EXOC6B: variants seen among roughly 807,000 people sequenced by gnomAD.
The protein encoded by EXOC6B is exocyst complex component 6B.
EXOC6B carries 54 observed loss-of-function variants against 113.5 expected under a neutral mutation model. The observed-to-expected ratio is 0.48, with a 90% confidence interval of 0.38 to 0.60. The LOEUF is 0.60. Ranked by LOEUF, EXOC6B falls within the 20% of genes least tolerant of loss-of-function variation. The pLI, the probability that EXOC6B is intolerant of heterozygous loss-of-function variation, is 0.00. For missense variants in EXOC6B, 797 were observed against 977.5 expected (o/e 0.82, Z 2.46); for synonymous variants, 357 against 339.0 (o/e 1.05, Z -0.58).
At chr2:72,373,093 C>G (rs1215534984) in intron 19 of EXOC6B, among the ~76,000 whole-genome samples, 1 of 141,008 alleles carries the variant, frequency 7.1e-6, no homozygotes, top group Non-Finnish European at 1.5e-5. Context: ...GAGATGGAGT[C>G]TCGCTGCAAT....
chr2:72,789,829 A>G (rs2105029813), intron 1 of EXOC6B, among the ~76,000 whole-genome samples: 1 of 152,244 alleles, frequency 6.6e-6, no homozygotes, highest in East Asian at 1.9e-4. Context: ...CAAGTTAGGG[A>G]TTTTTCTCAA....
intron 1 of EXOC6B, among the ~76,000 whole-genome samples, chr2:72,807,668 A>C (rs1026155288): frequency 1.3e-5 from 2 of 152,154 alleles, no homozygotes; most frequent in Non-Finnish European, 2.9e-5. Context: ...CAGCCACTAA[A>C]AAGAAAGAGA....
At chr2:72,805,794 C>G (rs1685549137) in intron 1 of EXOC6B, among the ~76,000 whole-genome samples, 2 of 152,122 alleles carry the variant, frequency 1.3e-5, no homozygotes, top group African/African-American at 4.8e-5. Flanking sequence ...CTGTCCTCCT[C>G]CAGCCTCTGG....
intron 8 of EXOC6B, chr2:72,515,592 C>A: frequency 1.0e-6 from 1 of 998,192 alleles, no homozygotes; most frequent in Non-Finnish European, 1.2e-6. Flanking sequence ...TTAGTATTCC[C>A]CCTTAGGTTA....
intron 6 of EXOC6B, among the ~76,000 whole-genome samples, chr2:72,662,384 G>C (rs1307961738): frequency 6.6e-6 from 1 of 152,078 alleles, no homozygotes; most frequent in Non-Finnish European, 1.5e-5. Context: ...ACTACTGAGT[G>C]GAAAAAGATA....
At chr2:72,765,544 G>A (rs1318884011) in intron 1 of EXOC6B, among the ~76,000 whole-genome samples, 4 of 152,170 alleles carry the variant, frequency 2.6e-5, no homozygotes, top group South Asian at 4.1e-4. Context: ...ATGATGACTG[G>A]TGCCTATAAT....
chr2:72,193,117 C>T (rs2104290638), intron 20 of EXOC6B, among the ~76,000 whole-genome samples: 1 of 152,178 alleles, frequency 6.6e-6, no homozygotes, highest in Middle Eastern at 3.4e-3. Flanking sequence ...CCACATCTGC[C>T]TTTTTTTGGA....
intron 16 of EXOC6B, among the ~76,000 whole-genome samples, chr2:72,487,209 T>C (rs1342930592): frequency 6.6e-6 from 1 of 152,192 alleles, no homozygotes; most frequent in Non-Finnish European, 1.5e-5. Flanking sequence ...ATGTCACTAG[T>C]TTTTCCTTAA....
At chr2:72,764,164 T>C (rs1390543003) in intron 1 of EXOC6B, among the ~76,000 whole-genome samples, 1 of 152,120 alleles carries the variant, frequency 6.6e-6, no homozygotes, top group Admixed American at 6.5e-5. Context: ...CCTACTATAA[T>C]TGATCAAAAA....
chr2:72,405,560 A>G (rs1693683886), intron 18 of EXOC6B, among the ~76,000 whole-genome samples: 1 of 152,240 alleles, frequency 6.6e-6, no homozygotes. Flanking sequence ...ACATTCTTAC[A>G]GAAAAGAATT....
intron 6 of EXOC6B, among the ~76,000 whole-genome samples, chr2:72,608,994 G>T (rs1215728418): frequency 6.6e-6 from 1 of 152,072 alleles, no homozygotes; most frequent in African/African-American, 2.4e-5. Flanking sequence ...TAGTGTAGGG[G>T]ACTGGAATCT....
At chr2:72,465,642 G>A (rs1187995033) in intron 17 of EXOC6B, among the ~76,000 whole-genome samples, 1 of 152,172 alleles carries the variant, frequency 6.6e-6, no homozygotes, top group Non-Finnish European at 1.5e-5. Context: ...GCTCTAAGAA[G>A]TATGGTGAGA....
chr2:72,196,331 G>GGACAT (rs1679166540), intron 20 of EXOC6B, among the ~76,000 whole-genome samples: 1 of 152,060 alleles, frequency 6.6e-6, no homozygotes, highest in Non-Finnish European at 1.5e-5. Context: ...TTAAGGGATC[G>GGACAT]TAAAGCAGGT....
chr2:72,775,058 A>G (rs1683618961), intron 1 of EXOC6B, among the ~76,000 whole-genome samples: 6 of 152,198 alleles, frequency 3.9e-5, no homozygotes, highest in Admixed American at 3.3e-4. Context: ...AGGGGGATGC[A>G]AGGAGCTTCC....
rs537902146 is a variant in EXOC6B, at chr2:72,422,020, C to T, written c.1981-42150G>A. 1.3e-3 allele frequency among the ~76,000 whole-genome samples: 196 copies of T among 152,328 alleles called. No homozygotes were observed. In the Middle Eastern group the frequency reaches 0.017, roughly 13 times the overall value. ...GGGTCCCCCAGCAGTGCCAGCCCAC[C>T]GGTGCTGCGCTCGATTTCTCACTGA... On this transcript the variant is annotated intron_variant, in intron 18 of 21. Transcript: ENST00000272427.
intron 20 of EXOC6B, among the ~76,000 whole-genome samples, chr2:72,241,183 A>G (rs373325558): frequency 2.5e-4 from 38 of 152,222 alleles, no homozygotes; most frequent in African/African-American, 8.9e-4. Context: ...ACTCAAAGAA[A>G]GAATCTAAAG....
chr2:72,526,903 C>T (rs550808383), intron 8 of EXOC6B, among the ~76,000 whole-genome samples: 14 of 152,010 alleles, frequency 9.2e-5, no homozygotes, highest in African/African-American at 3.1e-4. Context: ...AGACAGACCC[C>T]ATGTGCACTC....
At chr2:72,557,385 T>C (rs1205329676) in intron 8 of EXOC6B, among the ~76,000 whole-genome samples, 1 of 149,016 alleles carries the variant, frequency 6.7e-6, no homozygotes, top group Non-Finnish European at 1.5e-5. Flanking sequence ...AAAAAGATTG[T>C]CAAATTGTTT....
At chr2:72,632,461 A>C (rs1573521889) in intron 6 of EXOC6B, among the ~76,000 whole-genome samples, 1 of 152,340 alleles carries the variant, frequency 6.6e-6, no homozygotes, top group East Asian at 1.9e-4. Context: ...ATCCTAAAGA[A>C]ATTATCTTAA....
Sources: gnomAD v4.1 joint callset for allele counts (sites outside exome capture counted in the v4.1 genomes callset) on GRCh38, gnomAD v4.1.1 for gene constraint, MANE v1.5 for transcripts, NCBI Gene and HGNC (gene_info 2026-07-23, HGNC 2026-07-21) for gene names.